The following ACOXL variants were observed in gnomAD, a reference collection of about 807,000 sequenced individuals.
ACOXL encodes acyl-coenzyme A oxidase-like protein.
In ACOXL, 70 loss-of-function variants were observed where a neutral mutation model predicts 71.9. The ratio of observed to expected loss-of-function variants is 0.97; its 90% CI spans 0.80 to 1.19. ACOXL has a LOEUF of 1.19. Ranked by LOEUF, ACOXL falls within the 50% of genes most tolerant of loss-of-function variation. The probability of loss-of-function intolerance (pLI) is 0.00; values close to 1 mark genes in which losing one functional copy is unlikely to be tolerated. For synonymous variants in ACOXL, 253 were observed against 281.6 expected (o/e 0.90, Z 1.02); for missense variants, 703 against 736.3 (o/e 0.95, Z 0.52).
intron 9 of ACOXL, among the ~76,000 whole-genome samples, chr2:110,811,769 A>ACACACT (rs1687358815): frequency 6.6e-6 from 1 of 150,710 alleles, no homozygotes; most frequent in Non-Finnish European, 1.5e-5. Context: ...ACACACACAC[A>ACACACT]CACACACACA....
At chr2:111,105,883 G>T (rs185434426) in intron 17 of ACOXL, among the ~76,000 whole-genome samples, 2 of 152,190 alleles carry the variant, frequency 1.3e-5, no homozygotes, top group East Asian at 1.9e-4. Flanking sequence ...ATGAAAATCT[G>T]CTGCCAATTG....
intron 9 of ACOXL, among the ~76,000 whole-genome samples, chr2:110,819,398 G>T (rs964998988): frequency 6.6e-6 from 1 of 152,168 alleles, no homozygotes; most frequent in Non-Finnish European, 1.5e-5. Context: ...GGAAGTGTGG[G>T]TTTGCTGAGG....
intron 16 of ACOXL, among the ~76,000 whole-genome samples, chr2:111,081,798 C>T (rs563900713): frequency 1.2e-4 from 19 of 152,316 alleles, no homozygotes; most frequent in South Asian, 4.1e-4. Flanking sequence ...GTAACCAAAA[C>T]AGCATGGTAC....
intron 9 of ACOXL, among the ~76,000 whole-genome samples, chr2:110,811,531 T>C (rs1687312570): frequency 6.6e-6 from 1 of 152,222 alleles, no homozygotes; most frequent in Non-Finnish European, 1.5e-5. Context: ...TGACCGATGC[T>C]CATTCTGTTG....
chr2:111,092,789 C>A, intron 16 of ACOXL, 76 bp from the exon 17 acceptor site: 1 of 1,001,008 alleles, frequency 1.0e-6, no homozygotes, highest in Non-Finnish European at 1.6e-6. Context: ...TGTTATTTCT[C>A]TTTCGCCTCC....
Position 110,996,018 on chromosome 2 carries a change from G to T in ACOXL, c.1281+14G>T, listed in dbSNP as rs1209813675. 7 of 1,571,370 alleles carry T rather than the reference G, an allele frequency of 4.5e-6. No homozygotes were observed. In the South Asian group the frequency reaches 6.6e-5, roughly 15 times the overall value. ...ATTTATTATAAGGTAAAGATACACTGTGTTATATTTTTCCTTTTGACATGT... is the reference window on the plus strand; with the variant it reads ...ATTTATTATAAGGTAAAGATACACTTTGTTATATTTTTCCTTTTGACATGT... On this transcript the variant is annotated intron_variant, in intron 14 of 17. Transcript: ENST00000439055.
chr2:111,076,823 G>T (rs1339239602), intron 16 of ACOXL, among the ~76,000 whole-genome samples: 2 of 152,136 alleles, frequency 1.3e-5, no homozygotes, highest in African/African-American at 4.8e-5. Context: ...ACCTTTGGAG[G>T]CTTCAGAGAA....
intron 9 of ACOXL, among the ~76,000 whole-genome samples, chr2:110,805,640 G>A (rs189976265): frequency 1.2e-4 from 19 of 152,350 alleles, no homozygotes; most frequent in African/African-American, 4.6e-4. Flanking sequence ...TGGAGCACAG[G>A]CATTGTGGTA....
chr2:110,873,552 G>A (rs1353563725), intron 10 of ACOXL, among the ~76,000 whole-genome samples: 1 of 152,168 alleles, frequency 6.6e-6, no homozygotes, highest in African/African-American at 2.4e-5. Flanking sequence ...TCTCTTTTGG[G>A]CACCTGGTGG....
chr2:110,860,026 CTT>C (rs1208388992), intron 10 of ACOXL, among the ~76,000 whole-genome samples: 1 of 152,190 alleles, frequency 6.6e-6, no homozygotes, highest in African/African-American at 2.4e-5. Context: ...CTATCTGTGA[CTT>C]TGCAGCACTG....
chr2:110,894,259 T>G lies in ACOXL; in HGVS notation c.789-14530T>G, dbSNP rs141465100. On this transcript the variant is annotated intron_variant, in intron 10 of 17. Coordinates refer to ENST00000439055, the MANE Select transcript of ACOXL (RefSeq NM_001142807.4). ...TGATGCAATAGAGAGCTCTCTGGTT[T>G]TCTTTTTGTCTTATTTTTCCTAGAC... Among the ~76,000 whole-genome samples the G allele has an allele frequency of 3.5e-4, 53 of 151,778 alleles. No individual in the cohort carries two copies. In the East Asian group the frequency reaches 5.2e-3, roughly 15 times the overall value.
In ACOXL at chr2:110,798,601, T is replaced by C. The variant is rs778989110; in HGVS notation, c.346-9T>C. Reference sequence around the variant, plus strand: ...AGGGAAACACTGTTGCTCTGCTTTTTCTGTGTAGGAGTTTGTAATTGACAC... The same window carrying C: ...AGGGAAACACTGTTGCTCTGCTTTTCCTGTGTAGGAGTTTGTAATTGACAC... On this transcript the variant is annotated splice_polypyrimidine_tract_variant and intron_variant, in intron 5 of 17. Coordinates refer to ENST00000439055, the MANE Select transcript of ACOXL (RefSeq NM_001142807.4). The C allele has an allele frequency of 5.0e-6, 8 of 1,609,734 alleles. No homozygotes were observed. In the East Asian group the frequency reaches 1.3e-4, roughly 27 times the overall value.
At chr2:110,924,429 A>G (rs1325401716) in intron 11 of ACOXL, among the ~76,000 whole-genome samples, 1 of 152,250 alleles carries the variant, frequency 6.6e-6, no homozygotes, top group Non-Finnish European at 1.5e-5. Flanking sequence ...AATTGGAGTC[A>G]GTCCTTTCAA....
intron 14 of ACOXL, among the ~76,000 whole-genome samples, chr2:111,021,868 GAAAA>G (rs1384456479): frequency 6.7e-6 from 1 of 149,692 alleles, no homozygotes; most frequent in South Asian, 2.1e-4. Flanking sequence ...ATGTAAAAAA[GAAAA>G]AAAAGAAAAA....
intron 9 of ACOXL, among the ~76,000 whole-genome samples, chr2:110,830,985 C>T (rs1689761835): frequency 6.6e-6 from 1 of 152,202 alleles, no homozygotes; most frequent in East Asian, 1.9e-4. Context: ...GGAATTTCCT[C>T]AACTTCATAA....
intron 1 of ACOXL, among the ~76,000 whole-genome samples, chr2:110,746,127 C>T (rs1678166796): frequency 6.6e-6 from 1 of 152,130 alleles, no homozygotes; most frequent in African/African-American, 2.4e-5. Context: ...GGGTTGAGAC[C>T]AGGAGTTGAG....
chr2:111,074,120 G>A (rs971841573), intron 16 of ACOXL, among the ~76,000 whole-genome samples: 4 of 147,728 alleles, frequency 2.7e-5, no homozygotes, highest in African/African-American at 1.0e-4. Flanking sequence ...CTCGTTATTA[G>A]TTCTAGAGGA....
Position 111,110,315 on chromosome 2 carries a change from C to T in ACOXL, c.1543-7301C>T, listed in dbSNP as rs148636551. The stretch of plus-strand genomic sequence containing the variant: ...TAGTCCACCCACCCCATCACACTAC[C>T]GTCTTTATTCTTTCAGAGTTTGAGC... On this transcript the variant is annotated intron_variant, in intron 17 of 17. Transcript: ENST00000439055. 1.5e-3 allele frequency among the ~76,000 whole-genome samples: 228 copies of T among 152,230 alleles called. 2 individuals are homozygous for T. The highest frequency in any genetic ancestry group is 5.2e-3 in the African/African-American group (214 of 41,538).
rs564656956 is a variant in ACOXL, at chr2:111,077,679, C to T, written c.1441-15186C>T. 7.4e-4 allele frequency among the ~76,000 whole-genome samples: 112 copies of T among 152,240 alleles called. 1 individual carries two copies. The highest frequency in any genetic ancestry group is 1.3e-3 in the Non-Finnish European group (88 of 68,006). On this transcript the variant is annotated intron_variant, in intron 16 of 17. Transcript: ENST00000439055. ...TTTAAATCTCATCCTAATTTCTGAA[C>T]GATCATTTACACGATATATAATTCT...
Sources: allele counts gnomAD v4.1 joint callset (sites outside exome capture counted in the v4.1 genomes callset), GRCh38; gene constraint gnomAD v4.1.1; transcripts MANE v1.5; gene names NCBI Gene and HGNC (gene_info 2026-07-23, HGNC 2026-07-21).